The following ZC3H12B variants were observed in gnomAD, a reference collection of about 807,000 sequenced individuals.
The protein encoded by ZC3H12B is zinc finger CCCH-type containing 12B.
ZC3H12B carries 7 observed loss-of-function variants against 43.9 expected under a neutral mutation model. That is an observed-to-expected ratio of 0.16 (90% CI 0.09 to 0.30). The LOEUF is 0.30. Ranked by LOEUF, ZC3H12B falls within the 10% of genes least tolerant of loss-of-function variation. The probability of loss-of-function intolerance (pLI) is 1.00; values close to 1 mark genes in which losing one functional copy is unlikely to be tolerated. For missense variants in ZC3H12B, 475 were observed against 670.2 expected, an observed-to-expected ratio of 0.71 and a Z score of 3.22; for synonymous variants, 222 against 241.7, an observed-to-expected ratio of 0.92 and a Z score of 0.76.
chrX:65,228,557 T>C, the ZC3H12B span, among the ~76,000 whole-genome samples: 2 of 110,655 alleles, frequency 1.8e-5, no homozygotes, highest in African/African-American at 6.6e-5. Flanking sequence ...GAGAAGGAAA[T>C]AAAGGGTATT....
At chrX:65,257,185 A>G in the ZC3H12B span, among the ~76,000 whole-genome samples, 6 of 112,238 alleles carry the variant, frequency 5.3e-5, no homozygotes, top group African/African-American at 1.9e-4. Flanking sequence ...TCACAACAGC[A>G]AAGACTTGGA....
the ZC3H12B span, among the ~76,000 whole-genome samples, chrX:65,124,848 T>G: frequency 9.0e-6 from 1 of 111,451 alleles, no homozygotes; most frequent in East Asian, 2.8e-4. Context: ...ATTTCATATC[T>G]TATTGACCTT....
At chrX:65,355,699 A>G in the ZC3H12B span, among the ~76,000 whole-genome samples, 1 of 112,004 alleles carries the variant, frequency 8.9e-6, no homozygotes, top group African/African-American at 3.2e-5. Context: ...TTGGTCAGGC[A>G]TGGTGGAACA....
chrX:65,470,682 G>A (rs2067899232), intron 3 of ZC3H12B, among the ~76,000 whole-genome samples: 2 of 111,477 alleles, frequency 1.8e-5, no homozygotes, highest in Admixed American at 9.5e-5. Context: ...CCTGCCTTAG[G>A]GGGTGTTGTG....
the ZC3H12B span, among the ~76,000 whole-genome samples, chrX:65,126,693 T>TA: frequency 9.3e-6 from 1 of 107,801 alleles, no homozygotes; most frequent in African/African-American, 3.4e-5. Flanking sequence ...TTTTTTTTTT[T>TA]ACTTTTTTTT....
At chrX:65,457,044 T>C (rs1236989385) in intron 3 of ZC3H12B, among the ~76,000 whole-genome samples, 6 of 97,280 alleles carry the variant, frequency 6.2e-5, no homozygotes. Context: ...GAGGAGCGTC[T>C]CTGCCCGGCC....
the ZC3H12B span, among the ~76,000 whole-genome samples, chrX:65,320,210 C>T: frequency 9.0e-6 from 1 of 111,637 alleles, no homozygotes; most frequent in Non-Finnish European, 1.9e-5. Context: ...TCTCAGGATA[C>T]AAAGATCAGT....
At chrX:65,446,505 G>A (rs926544157) in intron 3 of ZC3H12B, among the ~76,000 whole-genome samples, 3 of 111,807 alleles carry the variant, frequency 2.7e-5, no homozygotes, top group Non-Finnish European at 5.6e-5. Flanking sequence ...GGTGTGGCTA[G>A]CCAGAACTCA....
chrX:65,050,566 GGTTTTGTTGAAAATT>G, the ZC3H12B span, among the ~76,000 whole-genome samples: 67 of 110,687 alleles, frequency 6.1e-4, 1 homozygote, highest in East Asian at 0.018. Context: ...GACCATATAT[GGTTTTGTTGAAAATT>G]GTTGAGGCAA....
At chrX:65,381,393 C>G (rs1172595398) in intron 2 of ZC3H12B, among the ~76,000 whole-genome samples, 1 of 111,444 alleles carries the variant, frequency 9.0e-6, no homozygotes, top group Non-Finnish European at 1.9e-5. Context: ...TAAAGATGTT[C>G]TTTGAAACCA....
exon 3 of ZC3H12B, chrX:65,499,122 C>A: frequency 8.3e-7 from 1 of 1,210,948 alleles, no homozygotes; most frequent in Non-Finnish European, 1.1e-6. Flanking sequence ...GCTTTTGATT[C>A]TGATGGCATC....
At chrX:65,327,607 A>G in the ZC3H12B span, among the ~76,000 whole-genome samples, 2 of 111,522 alleles carry the variant, frequency 1.8e-5, no homozygotes, top group African/African-American at 6.5e-5. Context: ...AGTTGTTACA[A>G]TGAATTGAAC....
Position 65,379,169 on chromosome X carries a change from A to G in ZC3H12B, n.295+10171A>G, listed in dbSNP as rs943894456. Among the ~76,000 whole-genome samples the G allele has an allele frequency of 2.7e-5, 3 of 111,971 alleles. No homozygotes were observed. In the Admixed American group the frequency reaches 2.8e-4, roughly 11 times the overall value. ...CTCTGGGGGAGGGCACAGACAAACA[A>G]AAAGACAACAGTAACCTCCGCAGAC... On this transcript the variant is annotated intron_variant and non_coding_transcript_variant, in intron 2 of 5. Transcript: ENST00000617377.
At chrX:65,142,565 A>T in the ZC3H12B span, among the ~76,000 whole-genome samples, 2 of 112,432 alleles carry the variant, frequency 1.8e-5, no homozygotes, top group African/African-American at 6.5e-5. Flanking sequence ...TGGTCATGAA[A>T]TTCTTGCCTA....
At chrX:65,156,800 G>T in the ZC3H12B span, among the ~76,000 whole-genome samples, 1 of 111,095 alleles carries the variant, frequency 9.0e-6, no homozygotes, top group African/African-American at 3.3e-5. Flanking sequence ...TTAGGCATGC[G>T]TCATCCTGCC....
At chrX:65,501,239 CTTTT>C (rs770490342) in intron 4 of ZC3H12B, among the ~76,000 whole-genome samples, 1 of 63,352 alleles carries the variant, frequency 1.6e-5, no homozygotes. Context: ...TCAGCTTTAG[CTTTT>C]TTTTTTTTTT....
intron 3 of ZC3H12B, among the ~76,000 whole-genome samples, chrX:65,483,469 TG>T (rs1408067024): frequency 1.8e-5 from 2 of 112,024 alleles, no homozygotes; most frequent in Non-Finnish European, 3.8e-5. Context: ...CAAACTCTTT[TG>T]CCTCCAAAGT....
chrX:65,185,962 G>A, the ZC3H12B span: 1 of 111,366 alleles, frequency 9.0e-6, no homozygotes, highest in Non-Finnish European at 1.9e-5. Context: ...ATCTATATTA[G>A]CAAGTGCACC....
chrX:65,311,376 A>G, the ZC3H12B span, among the ~76,000 whole-genome samples: 1 of 112,648 alleles, frequency 8.9e-6, no homozygotes, highest in East Asian at 2.8e-4. Flanking sequence ...GATGCAGCCA[A>G]CAGACACATG....
Sources: allele counts gnomAD v4.1 joint callset (sites outside exome capture counted in the v4.1 genomes callset), GRCh38; gene constraint gnomAD v4.1.1; transcripts MANE v1.5; gene names NCBI Gene and HGNC (gene_info 2026-07-23, HGNC 2026-07-21).